Variants in KIAA0825 observed in about 807,000 individuals in gnomAD.
KIAA0825 encodes uncharacterized protein KIAA0825.
A neutral mutation model predicts 147.6 loss-of-function variants in KIAA0825; 119 were observed. That is an observed-to-expected ratio of 0.81 (90% CI 0.69 to 0.94). The LOEUF is 0.94. Among genes scored for constraint, KIAA0825 ranks in the 40% least tolerant of loss-of-function variants. The pLI is 0.00. For missense variants in KIAA0825, 1,381 were observed against 1,472.7 expected, an observed-to-expected ratio of 0.94 and a Z score of 1.02; for synonymous variants, 470 against 518.1, an observed-to-expected ratio of 0.91 and a Z score of 1.26.
At chr5:94,540,892 A>G (rs955107918) in intron 2 of KIAA0825, among the ~76,000 whole-genome samples, 5 of 152,168 alleles carry the variant, frequency 3.3e-5, no homozygotes, top group African/African-American at 9.7e-5. Flanking sequence ...GAAATCAACC[A>G]TGACCCCTAA....
chr5:94,297,500 A>C (rs1778188240), intron 20 of KIAA0825, among the ~76,000 whole-genome samples: 1 of 152,200 alleles, frequency 6.6e-6, no homozygotes, highest in Admixed American at 6.5e-5. Context: ...TTAATCATTT[A>C]CTGTTTTTAT....
intron 1 of KIAA0825, among the ~76,000 whole-genome samples, chr5:94,596,434 G>T (rs780288472): frequency 3.3e-5 from 5 of 152,102 alleles, no homozygotes; most frequent in Non-Finnish European, 5.9e-5. Context: ...TTCTCCATTG[G>T]TCTATGTGTC....
At chr5:94,304,524 T>C (rs1385491570) in intron 20 of KIAA0825, among the ~76,000 whole-genome samples, 2 of 152,188 alleles carry the variant, frequency 1.3e-5, no homozygotes, top group East Asian at 3.9e-4. Context: ...CCGAATCTCA[T>C]TTAACTGTGT....
chr5:94,201,780 C>A (rs1433976749), intron 20 of KIAA0825, among the ~76,000 whole-genome samples: 1 of 152,128 alleles, frequency 6.6e-6, no homozygotes, highest in East Asian at 1.9e-4. Flanking sequence ...ATAGGGACCA[C>A]TTCAATGGGG....
intron 2 of KIAA0825, among the ~76,000 whole-genome samples, chr5:94,579,387 A>G (rs1199379283): frequency 6.6e-6 from 1 of 152,360 alleles, no homozygotes; most frequent in Non-Finnish European, 1.5e-5. Context: ...AGCACATAGA[A>G]AGAACTCAAT....
intron 1 of KIAA0825, among the ~76,000 whole-genome samples, chr5:94,613,567 C>T (rs1053992050): frequency 3.3e-5 from 5 of 152,236 alleles, no homozygotes; most frequent in Middle Eastern, 3.4e-3. Context: ...AGTAAATAGT[C>T]AAAAAGGCCA....
intron 20 of KIAA0825, among the ~76,000 whole-genome samples, chr5:94,166,833 CT>C (rs1475533700): frequency 6.6e-6 from 1 of 151,866 alleles, no homozygotes; most frequent in Admixed American, 6.6e-5. Flanking sequence ...AGCAGTATAA[CT>C]TTTTTTGAGT....
chr5:94,456,204 C>T (rs1759085316), intron 12 of KIAA0825, among the ~76,000 whole-genome samples: 2 of 152,148 alleles, frequency 1.3e-5, no homozygotes, highest in Non-Finnish European at 1.5e-5. Flanking sequence ...TACTTTCCCT[C>T]ACACTTCTTT....
intron 20 of KIAA0825, among the ~76,000 whole-genome samples, chr5:94,336,086 G>A (rs1781758374): frequency 6.6e-6 from 1 of 151,826 alleles, no homozygotes; most frequent in Non-Finnish European, 1.5e-5. Context: ...ATAAATCATT[G>A]CAGCCAGGCA....
At chr5:94,275,010 G>A (rs1777159296) in intron 20 of KIAA0825, among the ~76,000 whole-genome samples, 1 of 152,132 alleles carries the variant, frequency 6.6e-6, no homozygotes, top group Admixed American at 6.6e-5. Context: ...TGTCAAAGTA[G>A]AGGTACTGTG....
intron 20 of KIAA0825, among the ~76,000 whole-genome samples, chr5:94,299,422 C>T (rs1778284878): frequency 6.6e-6 from 1 of 151,120 alleles, no homozygotes; most frequent in African/African-American, 2.4e-5. Context: ...GGTCTCACTG[C>T]GTTGCCCAGG....
chr5:94,514,782 C>T (rs1024641037), intron 5 of KIAA0825, among the ~76,000 whole-genome samples: 14 of 152,184 alleles, frequency 9.2e-5, no homozygotes, highest in South Asian at 2.1e-4. Context: ...TCTCCCTAGT[C>T]AAGAAGTCTA....
At chr5:94,273,116 AGTT>A (rs1408506862) in intron 20 of KIAA0825, among the ~76,000 whole-genome samples, 2 of 152,304 alleles carry the variant, frequency 1.3e-5, no homozygotes, top group East Asian at 3.9e-4. Flanking sequence ...TGTATAAGTA[AGTT>A]ACTTAACTTC....
chr5:94,353,165 A>G (rs1316733857), intron 20 of KIAA0825, among the ~76,000 whole-genome samples: 3 of 152,212 alleles, frequency 2.0e-5, no homozygotes, highest in Admixed American at 6.5e-5. Context: ...AACAACAATT[A>G]GCTACTTTTT....
Position 94,473,406 on chromosome 5 carries a change from T to C in KIAA0825, c.1341A>G (p.Glu447=). The C allele has an allele frequency of 1.9e-6, 3 of 1,552,102 alleles. No individual in the cohort carries two copies. The South Asian group carries it at 3.6e-5, about 18-fold the overall frequency. ...EGFSTKILQQ[E]QNERSSAVSY... ...TCACAGCTGAAGACCTTTCATTCTG[T>C]TCCTGTTGGAGAATTTTTGTGGAAA... Residue 447 remains glutamate, a synonymous_variant, in exon 8 of 21, where the codon GAA becomes GAG. Transcript: ENST00000682413.
intron 14 of KIAA0825, among the ~76,000 whole-genome samples, chr5:94,432,679 A>C (rs942882955): frequency 2.0e-5 from 3 of 152,212 alleles, no homozygotes; most frequent in South Asian, 2.1e-4. Flanking sequence ...GTTGGCTAAC[A>C]ATGGGTTATT....
chr5:94,605,840 C>T (rs541925754), intron 1 of KIAA0825, among the ~76,000 whole-genome samples: 39 of 152,322 alleles, frequency 2.6e-4, no homozygotes, highest in African/African-American at 9.4e-4. Flanking sequence ...GAAGCAGTTT[C>T]CCCTTGAAAA....
At chr5:94,224,037 T>A (rs1217423561) in intron 20 of KIAA0825, among the ~76,000 whole-genome samples, 2 of 148,546 alleles carry the variant, frequency 1.3e-5, no homozygotes, top group Non-Finnish European at 3.0e-5. Flanking sequence ...CTCTTCAAAA[T>A]CAACTCCATT....
intron 3 of KIAA0825, among the ~76,000 whole-genome samples, chr5:94,527,484 T>C (rs889994213): frequency 2.0e-5 from 3 of 152,048 alleles, no homozygotes; most frequent in Non-Finnish European, 4.4e-5. Context: ...ATATATGTGC[T>C]TTCATGGAAT....
Sources: allele counts gnomAD v4.1 joint callset (sites outside exome capture counted in the v4.1 genomes callset), GRCh38; gene constraint gnomAD v4.1.1; transcripts MANE v1.5; gene names NCBI Gene and HGNC (gene_info 2026-07-23, HGNC 2026-07-21).